TCF20: variants seen among roughly 807,000 people sequenced by gnomAD.
TCF20 encodes the protein transcription factor 20, also known as SPRE-binding protein.
A neutral mutation model predicts 148.6 loss-of-function variants in TCF20; 3 were observed. The observed-to-expected ratio is 0.02, with a 90% CI of 0.01 to 0.05. TCF20 has a LOEUF of 0.05. Ranked by LOEUF, TCF20 falls within the 10% of genes least tolerant of loss-of-function variation. The pLI is 1.00. For missense variants in TCF20, 2,350 were observed against 2,429.3 expected (o/e 0.97, Z 0.69); for synonymous variants, 1,049 against 909.5 (o/e 1.15, Z -2.76).
At chr22:42,194,431 A>C (rs1937494478) in intron 2 of TCF20, among the ~76,000 whole-genome samples, 1 of 152,212 alleles carries the variant, frequency 6.6e-6, no homozygotes, top group Non-Finnish European at 1.5e-5. Context: ...GTTGATACAG[A>C]TACTATCAAC....
At chr22:42,244,546 CAT>C (rs1924746906) in intron 1 of TCF20, among the ~76,000 whole-genome samples, 1 of 152,178 alleles carries the variant, frequency 6.6e-6, no homozygotes, top group Admixed American at 6.5e-5. Context: ...TGAAAGGTCA[CAT>C]ATTGTACGAT....
chr22:42,238,991 A>G (rs1301439246), intron 1 of TCF20, among the ~76,000 whole-genome samples: 1 of 151,748 alleles, frequency 6.6e-6, no homozygotes, highest in Admixed American at 6.6e-5. Context: ...GATGGCGGGC[A>G]CCTGTAGTCC....
rs754279263 is a variant in TCF20 at position 42,214,566 on chromosome 22, A to AAGGAGG, written c.734_739dup (p.Ser245_Ser246dup). 6.3e-5 allele frequency: 101 copies of AAGGAGG among 1,613,462 alleles called. No individual in the cohort carries two copies. Among genetic ancestry groups the AAGGAGG allele is most frequent in the Non-Finnish European group, 4.7e-5 (55 of 1,179,794 alleles). On this transcript the variant is annotated inframe_insertion, in exon 2 of 6. Transcript: ENST00000677622. ...CTGGCTAAAACGCTGTGGTGAAGGG[A>AAGGAGG]AGGAGGAGGAGGAGGAGGAGGAAGC... is the stretch of plus-strand genomic sequence containing the variant.
At chr22:42,256,045 T>C (rs778338369) in intron 1 of TCF20, among the ~76,000 whole-genome samples, 1 of 152,144 alleles carries the variant, frequency 6.6e-6, no homozygotes, top group African/African-American at 2.4e-5. Flanking sequence ...CTTTCTCCAC[T>C]CTTCCACTTG....
At chr22:42,192,677 C>T (rs1340395997) in intron 2 of TCF20, among the ~76,000 whole-genome samples, 1 of 152,208 alleles carries the variant, frequency 6.6e-6, no homozygotes, top group Non-Finnish European at 1.5e-5. Context: ...AAGCCAGCCC[C>T]TGCCACCTCT....
At chr22:42,247,953 G>A (rs1925057546) in intron 1 of TCF20, among the ~76,000 whole-genome samples, 2 of 152,170 alleles carry the variant, frequency 1.3e-5, no homozygotes, top group Admixed American at 1.3e-4. Context: ...AGTGAATATT[G>A]TAGACTGATA....
At position 42,209,780 on chromosome 22, in the gene TCF20, G is replaced by A. The variant is rs578222327; in HGVS notation, c.5526C>T (p.Ile1842=). Residue 1842 remains isoleucine, a synonymous_variant, in exon 2 of 6, where the codon ATC becomes ATT. Coordinates refer to ENST00000677622, the MANE Select transcript of TCF20 (RefSeq NM_001378418.1). Reference sequence around the variant, plus strand: ...CATTGCTGTCAAGAGGTAGTTCAGGGATTTGTAACTCCAGCTCAGGGCCAC... The same window carrying A: ...CATTGCTGTCAAGAGGTAGTTCAGGAATTTGTAACTCCAGCTCAGGGCCAC... ...SEGGPELELQ[I]PELPLDSNEF... 184 of 1,614,170 alleles carry A rather than the reference G, an allele frequency of 1.1e-4. 1 individual carries two copies. In the South Asian group the frequency reaches 1.9e-3, roughly 17 times the overall value.
Position 42,338,312 on chromosome 22 carries a change from G to C in TCF20, c.-37+5167C>G, listed in dbSNP as rs1928101482. 6.6e-6 allele frequency among the ~76,000 whole-genome samples: 1 copy of C among 152,234 alleles called. No homozygotes were observed. Among genetic ancestry groups the C allele is most frequent in the African/African-American group, 2.4e-5 (1 of 41,472 alleles). ...CGGCTGCACAGAGGAAACTACACGTGCTGGGTGTGTAATAACGGGTTAACC... is the reference window on the plus strand; with the variant it reads ...CGGCTGCACAGAGGAAACTACACGTCCTGGGTGTGTAATAACGGGTTAACC... On this transcript the variant is annotated intron_variant, in intron 1 of 1. Transcript: ENST00000515426. This position sits in a 1 kb window ranked among gnomAD's most constrained non-coding sequence, Gnocchi z 4.0.
chr22:42,306,403 G>T (rs948035295), intron 1 of TCF20, among the ~76,000 whole-genome samples: 1 of 152,210 alleles, frequency 6.6e-6, no homozygotes, highest in Non-Finnish European at 1.5e-5. Flanking sequence ...TGGGTGGGGG[G>T]TGCTGCTAGG....
In TCF20 at chr22:42,251,492, C is replaced by CTTTTTTTT. The variant is rs71184878; in HGVS notation, c.-37+18839_-37+18846dup. Among the ~76,000 whole-genome samples, 10 of 47,026 alleles carry CTTTTTTTT rather than the reference C, an allele frequency of 2.1e-4. 1 individual carries two copies. The highest frequency in any genetic ancestry group is 7.9e-4 in the East Asian group (1 of 1,260). 30.9% of individuals were successfully genotyped at this position (47,026 alleles called of 152,430 possible). A position where few individuals can be genotyped will look rare whatever the true frequency, so the allele number is the denominator to read the frequency against. On this transcript the variant is annotated intron_variant, in intron 1 of 5. Transcript: ENST00000677622. ...ACTCTGTACCTGGCCAAACAAGTGT[C>CTTTTTTTT]TTTTTTTTTTTTTTTTTTTTTTTTT... is the stretch of plus-strand genomic sequence containing the variant.
intron 1 of TCF20, among the ~76,000 whole-genome samples, chr22:42,281,021 G>A (rs542132936): frequency 2.0e-5 from 3 of 152,222 alleles, no homozygotes; most frequent in East Asian, 1.9e-4. Flanking sequence ...CTCCGTTGGG[G>A]ATAGGTCTGG....
intron 1 of TCF20, among the ~76,000 whole-genome samples, chr22:42,306,397 T>G (rs2147037939): frequency 6.6e-6 from 1 of 152,154 alleles, no homozygotes; most frequent in East Asian, 1.9e-4. Flanking sequence ...GCAATGTGGG[T>G]GGGGGGTGCT....
intron 1 of TCF20, among the ~76,000 whole-genome samples, chr22:42,293,525 C>T (rs1471469007): frequency 6.6e-6 from 1 of 152,172 alleles, no homozygotes; most frequent in Non-Finnish European, 1.5e-5. Flanking sequence ...GGGGCTCAGC[C>T]AAGGTCACAG....
intron 1 of TCF20, among the ~76,000 whole-genome samples, chr22:42,329,488 G>A (rs1299972576): frequency 1.3e-5 from 2 of 152,278 alleles, no homozygotes; most frequent in African/African-American, 2.4e-5. Context: ...GGAGAGAAGC[G>A]GGGCTCGAGG....
At chr22:42,169,673 C>A (rs761293175) in intron 4 of TCF20, among the ~76,000 whole-genome samples, 174 bp downstream of exon 4, 1 of 152,188 alleles carries the variant, frequency 6.6e-6, no homozygotes, top group Non-Finnish European at 1.5e-5. Context: ...TGCCACGGGT[C>A]TCCCTTCAGC....
intron 1 of TCF20, among the ~76,000 whole-genome samples, chr22:42,218,998 C>A (rs948238487): frequency 6.6e-6 from 1 of 151,976 alleles, no homozygotes; most frequent in Non-Finnish European, 1.5e-5. Context: ...AGGTGGTTGC[C>A]CAGGTTTATC....
At chr22:42,229,376 C>T (rs991231751) in intron 1 of TCF20, among the ~76,000 whole-genome samples, 3 of 152,230 alleles carry the variant, frequency 2.0e-5, no homozygotes, top group Admixed American at 6.5e-5. Context: ...TTTAAGGGAA[C>T]GGCAGGATAT....
At chr22:42,268,594 G>A (rs1042725793) in intron 1 of TCF20, among the ~76,000 whole-genome samples, 1 of 152,154 alleles carries the variant, frequency 6.6e-6, no homozygotes, top group African/African-American at 2.4e-5. Context: ...AATAAAATCT[G>A]GATCCTCCAA....
At chr22:42,326,063 G>A (rs1927869671) in intron 1 of TCF20, among the ~76,000 whole-genome samples, 1 of 152,006 alleles carries the variant, frequency 6.6e-6, no homozygotes, top group Admixed American at 6.5e-5. Context: ...TGGCTGCCAG[G>A]GGTGCCAGCT....
Sources: allele counts gnomAD v4.1 joint callset (sites outside exome capture counted in the v4.1 genomes callset), GRCh38; gene constraint gnomAD v4.1.1; non-coding constraint Gnocchi (gnomAD v3.1); transcripts MANE v1.5; gene names NCBI Gene and HGNC (gene_info 2026-07-23, HGNC 2026-07-21).